NRXN3: variants seen among roughly 807,000 people sequenced by gnomAD.
The protein encoded by NRXN3 is neurexin III.
In NRXN3, 32 loss-of-function variants were observed where a neutral mutation model predicts 137.6. The ratio of observed to expected loss-of-function variants is 0.23; its 90% CI spans 0.18 to 0.31. The LOEUF is 0.31. NRXN3 is among the 10% of genes least tolerant of loss of function. The pLI, the probability that NRXN3 is intolerant of heterozygous loss-of-function variation, is 1.00. For synonymous variants in NRXN3, 798 were observed against 784.5 expected, an observed-to-expected ratio of 1.02 and a Z score of -0.29; for missense variants, 1,574 against 2,062.5, an observed-to-expected ratio of 0.76 and a Z score of 4.59.
intron 15 of NRXN3, among the ~76,000 whole-genome samples, chr14:79,031,957 C>T (rs1003253648): frequency 6.6e-6 from 1 of 151,920 alleles, no homozygotes; most frequent in Non-Finnish European, 1.5e-5. Flanking sequence ...ACATTCCTCC[C>T]CTCCGACCAA....
chr14:79,360,225 C>T (rs546619441), intron 15 of NRXN3, among the ~76,000 whole-genome samples: 5 of 152,254 alleles, frequency 3.3e-5, no homozygotes, highest in East Asian at 1.9e-4. Context: ...TCCCCTTTGC[C>T]CTAGTTGATG....
intron 19 of NRXN3, among the ~76,000 whole-genome samples, chr14:79,722,424 A>T (rs2098847793): frequency 6.6e-6 from 1 of 152,046 alleles, no homozygotes; most frequent in Admixed American, 6.6e-5. Context: ...TTCTAATTCC[A>T]ACTCATATTA....
At chr14:78,300,508 G>T (rs774630840) in intron 4 of NRXN3, among the ~76,000 whole-genome samples, 1 of 152,214 alleles carries the variant, frequency 6.6e-6, no homozygotes, top group Non-Finnish European at 1.5e-5. Flanking sequence ...TTAGGATGTT[G>T]CAATGCTACT....
chr14:79,233,029 T>G (rs2072543043), intron 15 of NRXN3, among the ~76,000 whole-genome samples: 1 of 152,176 alleles, frequency 6.6e-6, no homozygotes, highest in South Asian at 2.1e-4. Context: ...TCTTTTCATG[T>G]TTCCTCCAGG....
chr14:78,928,885 C>T (rs11849596), intron 10 of NRXN3, among the ~76,000 whole-genome samples: 350 of 152,268 alleles, frequency 2.3e-3, no homozygotes, highest in African/African-American at 8.0e-3. Flanking sequence ...CTGTCTTCCA[C>T]AATGGTTGAA....
intron 5 of NRXN3, among the ~76,000 whole-genome samples, chr14:78,647,398 C>T (rs1219234773): frequency 1.3e-5 from 2 of 152,202 alleles, no homozygotes; most frequent in East Asian, 1.9e-4. Flanking sequence ...TACAATCTTC[C>T]GCAGCCATGT....
chr14:78,479,560 C>T (rs140550397), intron 4 of NRXN3, among the ~76,000 whole-genome samples: 1 of 152,186 alleles, frequency 6.6e-6, no homozygotes, highest in African/African-American at 2.4e-5. Context: ...CCAGAACATA[C>T]TTATTAAAAT....
At chr14:78,895,179 G>A (rs948222370) in intron 10 of NRXN3, among the ~76,000 whole-genome samples, 2 of 151,804 alleles carry the variant, frequency 1.3e-5, no homozygotes, top group Non-Finnish European at 2.9e-5. Context: ...GTCCTAGGTG[G>A]CATCTTTTTC....
At chr14:78,605,419 C>T (rs752689863) in intron 4 of NRXN3, among the ~76,000 whole-genome samples, 6 of 152,004 alleles carry the variant, frequency 3.9e-5, no homozygotes, top group East Asian at 1.9e-4. Flanking sequence ...TGAGTAATGC[C>T]GTTGAAATAT....
intron 20 of NRXN3, among the ~76,000 whole-genome samples, chr14:79,813,038 C>T (rs1413010617): frequency 6.6e-6 from 1 of 151,840 alleles, no homozygotes; most frequent in African/African-American, 2.4e-5. Flanking sequence ...TAATATACTG[C>T]CTGTCACTCC....
chr14:79,217,843 T>C (rs2068816670), intron 15 of NRXN3, among the ~76,000 whole-genome samples: 1 of 152,240 alleles, frequency 6.6e-6, no homozygotes, highest in Non-Finnish European at 1.5e-5. Context: ...TTAAACAGTT[T>C]GTAAAATGTA....
intron 19 of NRXN3, among the ~76,000 whole-genome samples, chr14:79,720,021 A>G (rs960995105): frequency 5.3e-5 from 8 of 152,186 alleles, no homozygotes; most frequent in African/African-American, 1.7e-4. Context: ...GAAATATAAC[A>G]TCCCTGGGGA....
At chr14:79,724,288 G>GTGCTACA (rs1410094400) in intron 19 of NRXN3, among the ~76,000 whole-genome samples, 1 of 152,120 alleles carries the variant, frequency 6.6e-6, no homozygotes, top group East Asian at 1.9e-4. Flanking sequence ...AGTCCTGACT[G>GTGCTACA]TGCTACATTT....
chr14:78,433,735 C>T (rs749976770), intron 4 of NRXN3, among the ~76,000 whole-genome samples: 51 of 152,226 alleles, frequency 3.4e-4, no homozygotes, highest in Admixed American at 2.4e-3. Flanking sequence ...TGACCTTGGA[C>T]TTCTTAGCTT....
At chr14:78,785,572 A>G (rs1185015808) in intron 8 of NRXN3, among the ~76,000 whole-genome samples, 1 of 152,198 alleles carries the variant, frequency 6.6e-6, no homozygotes, top group African/African-American at 2.4e-5. Flanking sequence ...TGCCAGCCCT[A>G]TAAAACAGCT....
chr14:78,974,905 T>C (rs2099458919), intron 14 of NRXN3, among the ~76,000 whole-genome samples: 6 of 152,168 alleles, frequency 3.9e-5, no homozygotes, highest in Admixed American at 3.9e-4. Flanking sequence ...CAAAAATGTA[T>C]TCAGAAGGAA....
At chr14:79,084,616 A>G (rs984443246) in intron 15 of NRXN3, among the ~76,000 whole-genome samples, 1 of 152,168 alleles carries the variant, frequency 6.6e-6, no homozygotes, top group African/African-American at 2.4e-5. Flanking sequence ...TGTTTGGAAA[A>G]TCAGAAAATA....
At chr14:79,200,828 A>ATTTTTTTTTTTTTTTTTTTTT in intron 15 of NRXN3, among the ~76,000 whole-genome samples, 1 of 59,082 alleles carries the variant, frequency 1.7e-5, no homozygotes, top group Non-Finnish European at 3.1e-5. Context: ...TGTGAGCTGT[A>ATTTTTTTTTTTTTTTTTTTTT]TTTTTTTTTT....
chr14:79,828,669 G>A (rs1474609855), intron 20 of NRXN3, among the ~76,000 whole-genome samples: 19 of 114,404 alleles, frequency 1.7e-4, no homozygotes, highest in African/African-American at 3.4e-4. Context: ...TTTTTTTTGC[G>A]TACCAAATCC....
Sources: gnomAD v4.1 joint callset for allele counts (sites outside exome capture counted in the v4.1 genomes callset) on GRCh38, gnomAD v4.1.1 for gene constraint, MANE v1.5 for transcripts, NCBI Gene and HGNC (gene_info 2026-07-23, HGNC 2026-07-21) for gene names.